PSMD12: variants seen among roughly 807,000 people sequenced by gnomAD.
The protein encoded by PSMD12 is proteasome 26S subunit, non-ATPase 12, also known as 26S proteasome non-ATPase regulatory subunit 12.
A neutral mutation model predicts 62.9 loss-of-function variants in PSMD12; 8 were observed. The ratio of observed to expected loss-of-function variants is 0.13; its 90% CI spans 0.07 to 0.23. The LOEUF is 0.23. Among genes scored for constraint, PSMD12 ranks in the 10% least tolerant of loss-of-function variants. The pLI, the probability that PSMD12 is intolerant of heterozygous loss-of-function variation, is 1.00. For missense variants in PSMD12, 424 were observed against 550.2 expected (o/e 0.77, Z 2.29); for synonymous variants, 173 against 187.4 (o/e 0.92, Z 0.63).
Position 67,366,358 on chromosome 17 carries a change from C to T in PSMD12, c.108+54G>A, listed in dbSNP as rs908454749. The T allele has an allele frequency of 1.3e-5, 20 of 1,524,694 alleles. No individual in the cohort carries two copies. The South Asian group carries it at 2.2e-4, about 17-fold the overall frequency. The allele number at this position is 1,524,694 out of a possible 1,614,324, so 94.4% of individuals were successfully genotyped here. ...GGCCCCCTGAGGCCTAAGCAGGCTCCGCGCCGTGACTCAGCCCCTGGCGCC... is the reference window on the plus strand; with the variant it reads ...GGCCCCCTGAGGCCTAAGCAGGCTCTGCGCCGTGACTCAGCCCCTGGCGCC... On this transcript the variant is annotated intron_variant, in intron 1 of 10. Coordinates refer to ENST00000356126, the MANE Select transcript of PSMD12 (RefSeq NM_002816.5).
intron 10 of PSMD12, among the ~76,000 whole-genome samples, chr17:67,341,768 C>T (rs891126259): frequency 1.3e-4 from 20 of 152,164 alleles, no homozygotes; most frequent in Non-Finnish European, 2.4e-4. Flanking sequence ...ACGGACAAGA[C>T]ACTTGACTTC....
In PSMD12 at chr17:67,357,411, T is replaced by C. The variant is rs747430373; in HGVS notation, c.189A>G (p.Thr63=). The change falls in exon 3 of 11, where the codon ACA becomes ACG. Residue 63 remains threonine, a synonymous_variant. Coordinates refer to ENST00000356126, the MANE Select transcript of PSMD12 (RefSeq NM_002816.5). ...QTRTASDMVS[T]SRILVAVVKM... ...TCACTACTGCAACTAAGATACGGGA[T>C]GTCGATACCATATCGGAAGCCTGTA... 1.6e-5 allele frequency: 26 copies of C among 1,613,600 alleles called. No individual in the cohort carries two copies. The South Asian group carries it at 2.6e-4, about 16-fold the overall frequency.
rs1201669202 is a variant in PSMD12 at position 67,357,318 on chromosome 17, C to A, written c.282G>T (p.Arg94=). 8.1e-6 allele frequency: 13 copies of A among 1,612,610 alleles called. No homozygotes were observed. The highest frequency in any genetic ancestry group is 1.7e-5 in the Admixed American group (1 of 59,896). ...ATGAACTCACTTGTTTTAACTGACT[C>A]CGCCTTTTGGACAAAAGCATAATAT... ...NENIMLLSKR[R]SQLKQAVAKM... Residue 94 remains arginine (R), a synonymous_variant, in exon 3 of 11, where the codon CGG becomes CGT. Transcript: ENST00000356126.
chr17:67,357,273 T>C, intron 3 of PSMD12, 30 bp downstream of exon 3: 1 of 1,583,760 alleles, frequency 6.3e-7, no homozygotes. Flanking sequence ...AATGCTTTTG[T>C]GTTTGGAGCA....
intron 3 of PSMD12, among the ~76,000 whole-genome samples, chr17:67,350,698 G>A (rs954830704): frequency 6.6e-6 from 1 of 152,124 alleles, no homozygotes; most frequent in Non-Finnish European, 1.5e-5. Context: ...AAGGCGAAAC[G>A]GTTCTACCAC....
chr17:67,354,942 A>T (rs949414284), intron 3 of PSMD12, among the ~76,000 whole-genome samples: 1 of 152,096 alleles, frequency 6.6e-6, no homozygotes, highest in African/African-American at 2.4e-5. Flanking sequence ...GTGAGCAGAG[A>T]TGGTGCCACT....
chr17:67,362,400 C>A (rs1482236514), intron 1 of PSMD12, among the ~76,000 whole-genome samples: 1 of 152,132 alleles, frequency 6.6e-6, no homozygotes, highest in African/African-American at 2.4e-5. Flanking sequence ...TCTGGCTGGG[C>A]GCGGTGGCTC....
Position 67,357,278 on chromosome 17 carries a change from G to C in PSMD12, c.297+25C>G, listed in dbSNP as rs374303123. ...CTGAAATACAAATGCTTTTGTGTTT[G>C]GAGCAGACATGATCATGAACTCACT... On this transcript the variant is annotated intron_variant, in intron 3 of 10. Coordinates refer to ENST00000356126, the MANE Select transcript of PSMD12 (RefSeq NM_002816.5). 97 of 1,589,774 alleles carry C rather than the reference G, an allele frequency of 6.1e-5. No individual in the cohort carries two copies. The African/African-American group carries it at 1.2e-3, about 20-fold the overall frequency.
intron 7 of PSMD12, 131 bp from the exon 8 acceptor site, chr17:67,345,988 G>T: frequency 1.3e-6 from 1 of 777,766 alleles, no homozygotes; most frequent in Non-Finnish European, 2.0e-6. Flanking sequence ...AGTGGCTCAC[G>T]TCTGTAATCC....
intron 9 of PSMD12, among the ~76,000 whole-genome samples, 164 bp downstream of exon 9, chr17:67,344,442 A>G (rs990624704): frequency 6.6e-6 from 1 of 152,250 alleles, no homozygotes; most frequent in African/African-American, 2.4e-5. Flanking sequence ...TAGAAAAAAA[A>G]TATCCTAAGT....
At chr17:67,348,227 C>A (rs777555896) in intron 5 of PSMD12, among the ~76,000 whole-genome samples, 1 of 152,184 alleles carries the variant, frequency 6.6e-6, no homozygotes, top group Non-Finnish European at 1.5e-5. Flanking sequence ...GCTGCACCAC[C>A]TTGCATTCTC....
At chr17:67,356,557 CAAAAAAAAAAAAAAAAAA>C (rs35353017) in intron 3 of PSMD12, among the ~76,000 whole-genome samples, 2 of 14,994 alleles carry the variant, frequency 1.3e-4, no homozygotes, top group South Asian at 5.2e-3. Context: ...GACTCCGTCT[CAAAAAAAAAAAAAAAAAA>C]AAAAAAAAAA....
chr17:67,362,331 C>T (rs1190884634), intron 1 of PSMD12, among the ~76,000 whole-genome samples: 6 of 152,158 alleles, frequency 3.9e-5, no homozygotes, highest in South Asian at 2.1e-4. Context: ...CCCATCATCC[C>T]GACACAGGGT....
At chr17:67,348,718 CTGGG>C in intron 4 of PSMD12, 64 bp from the exon 5 acceptor site, 1 of 1,452,710 alleles carries the variant, frequency 6.9e-7, no homozygotes, top group Admixed American at 1.7e-5. Context: ...AAAAAGTAGG[CTGGG>C]TATGTTGGCT....
At chr17:67,343,959 C>T (rs963354384) in intron 9 of PSMD12, among the ~76,000 whole-genome samples, 1 of 151,668 alleles carries the variant, frequency 6.6e-6, no homozygotes, top group African/African-American at 2.4e-5. Context: ...CCACCTCAGC[C>T]TCCCAAAGTG....
In PSMD12 at chr17:67,352,816, T is replaced by C. The variant is rs532559327; in HGVS notation, c.298-2480A>G. On this transcript the variant is annotated intron_variant, in intron 3 of 10. Transcript: ENST00000356126. ...CACACTACCCACCCTAGTCACTCAGTAGCCATCTCAGTCTCATGTGATCCA... is the reference window on the plus strand; with the variant it reads ...CACACTACCCACCCTAGTCACTCAGCAGCCATCTCAGTCTCATGTGATCCA... 3.3e-5 allele frequency among the ~76,000 whole-genome samples: 5 copies of C among 152,338 alleles called. No individual in the cohort carries two copies. The South Asian group carries it at 6.2e-4, about 19-fold the overall frequency.
At chr17:67,364,492 G>C (rs1195287637) in intron 1 of PSMD12, among the ~76,000 whole-genome samples, 1 of 152,204 alleles carries the variant, frequency 6.6e-6, no homozygotes, top group Non-Finnish European at 1.5e-5. Flanking sequence ...AGTAATCTCT[G>C]TATTTCTCAT....
chr17:67,344,581 T>G, intron 9 of PSMD12, 25 bp downstream of exon 9: 1 of 1,493,776 alleles, frequency 6.7e-7, no homozygotes, highest in Non-Finnish European at 9.0e-7. Context: ...AAATAAAAAT[T>G]GTCATCTCTA....
rs1356660478 is a variant in PSMD12 at position 67,345,856 on chromosome 17, G to T, written c.797C>A (p.Ala266Asp). The change falls in exon 8 of 11, where the codon GCT becomes GAT. Residue 266 changes from alanine (A) to aspartate (D), a missense_variant and splice_region_variant. Coordinates refer to ENST00000356126, the MANE Select transcript of PSMD12 (RefSeq NM_002816.5). ...IQAESEKWQQALKSVVLYVIL... is the reference protein window; with the variant it reads ...IQAESEKWQQDLKSVVLYVIL... ...AACATAGAGTACAACACTCTTCAGAGCCTAAAAGAGTTGTACAACAAGTTA... is the reference window on the plus strand; with the variant it reads ...AACATAGAGTACAACACTCTTCAGATCCTAAAAGAGTTGTACAACAAGTTA... 1 of 1,606,510 alleles carries T rather than the reference G, an allele frequency of 6.2e-7. No individual in the cohort carries two copies. The highest frequency in any genetic ancestry group is 8.5e-7 in the Non-Finnish European group (1 of 1,173,368).
Sources: gnomAD v4.1 joint callset for allele counts (sites outside exome capture counted in the v4.1 genomes callset) on GRCh38, gnomAD v4.1.1 for gene constraint, MANE v1.5 for transcripts, NCBI Gene and HGNC (gene_info 2026-07-23, HGNC 2026-07-21) for gene names.